The following ABLIM1 variants were observed in gnomAD, a reference collection of about 807,000 sequenced individuals.
ABLIM1 encodes actin binding LIM protein 1, also known as actin-binding LIM protein 1.
ABLIM1 carries 40 observed loss-of-function variants against 107.0 expected under a neutral mutation model. That is an observed-to-expected ratio of 0.37 (90% CI 0.29 to 0.49). The LOEUF (loss-of-function observed/expected upper bound fraction) is 0.49, where lower values mean the gene tolerates loss of function less well. ABLIM1 is among the 20% of genes least tolerant of loss of function. The pLI is 0.97. For missense variants in ABLIM1, 857 were observed against 1,008.5 expected (o/e 0.85, Z 2.04); for synonymous variants, 357 against 357.3 (o/e 1.00, Z 0.01).
chr10:114,728,958 A>G (rs2082018423), intron 1 of ABLIM1, among the ~76,000 whole-genome samples: 1 of 152,120 alleles, frequency 6.6e-6, no homozygotes, highest in South Asian at 2.1e-4. Flanking sequence ...TCCAATATGC[A>G]GTTAAGGAGT....
chr10:114,616,917 G>C (rs530094596), intron 1 of ABLIM1, among the ~76,000 whole-genome samples: 35 of 152,312 alleles, frequency 2.3e-4, no homozygotes, highest in African/African-American at 8.2e-4. Context: ...CTTATTTTCT[G>C]ATGAGGAAAC....
the ABLIM1 span, among the ~76,000 whole-genome samples, chr10:114,789,214 C>T: frequency 6.6e-6 from 1 of 152,044 alleles, no homozygotes; most frequent in South Asian, 2.1e-4. Flanking sequence ...GAGATCATAC[C>T]ACTGCACTCC....
intron 18 of ABLIM1, among the ~76,000 whole-genome samples, chr10:114,441,494 T>C (rs534476258): frequency 4.6e-5 from 7 of 152,238 alleles, no homozygotes; most frequent in Non-Finnish European, 8.8e-5. Context: ...CCCATAATCA[T>C]ACACAAGCCA....
intron 1 of ABLIM1, among the ~76,000 whole-genome samples, chr10:114,647,729 A>G (rs1161080990): frequency 1.3e-5 from 2 of 152,150 alleles, no homozygotes; most frequent in African/African-American, 4.8e-5. Flanking sequence ...GGGCTCTGTG[A>G]GTCATAATGT....
chr10:114,547,096 AT>A (rs1175766851), intron 5 of ABLIM1, among the ~76,000 whole-genome samples: 1 of 151,624 alleles, frequency 6.6e-6, no homozygotes, highest in African/African-American at 2.4e-5. Flanking sequence ...CAGCAGGAAA[AT>A]TTTTTTTAAG....
At chr10:114,559,270 G>A (rs1565931513) in intron 4 of ABLIM1, among the ~76,000 whole-genome samples, 1 of 151,890 alleles carries the variant, frequency 6.6e-6, no homozygotes, top group Non-Finnish European at 1.5e-5. Flanking sequence ...ATCATGGTAT[G>A]CTCTCAGAAA....
chr10:114,765,189 G>T (rs1392773339), intron 1 of ABLIM1, among the ~76,000 whole-genome samples: 1 of 151,964 alleles, frequency 6.6e-6, no homozygotes, highest in Non-Finnish European at 1.5e-5. Context: ...TGGGACTACA[G>T]GCATGCGCCA....
chr10:114,763,235 C>A (rs918753250), intron 1 of ABLIM1, among the ~76,000 whole-genome samples: 1 of 152,096 alleles, frequency 6.6e-6, no homozygotes, highest in Non-Finnish European at 1.5e-5. Context: ...CACTGTTTGC[C>A]ATTAATTCTG....
intron 8 of ABLIM1, among the ~76,000 whole-genome samples, chr10:114,475,167 C>G (rs904897048): frequency 1.3e-5 from 2 of 152,212 alleles, no homozygotes; most frequent in Non-Finnish European, 2.9e-5. Context: ...TACCTCGTCT[C>G]TCACCTGTCA....
chr10:114,721,927 C>T (rs896717486), intron 1 of ABLIM1, among the ~76,000 whole-genome samples: 3 of 152,074 alleles, frequency 2.0e-5, no homozygotes, highest in African/African-American at 7.2e-5. Flanking sequence ...GAAAAAGAAA[C>T]ACCAGGAAAA....
At chr10:114,444,907 T>A (rs781203535) in intron 16 of ABLIM1, among the ~76,000 whole-genome samples, 2 of 152,196 alleles carry the variant, frequency 1.3e-5, no homozygotes, top group Non-Finnish European at 2.9e-5. Flanking sequence ...AAATGTTCAA[T>A]CCCACAGTCA....
At chr10:114,473,776 GA>G in intron 9 of ABLIM1, 102 bp downstream of exon 9, 1 of 864,760 alleles carries the variant, frequency 1.2e-6, no homozygotes, top group African/African-American at 1.7e-5. Flanking sequence ...AACAAAAATA[GA>G]AATCACTTTG....
chr10:114,512,044 CA>C (rs2061947531), intron 6 of ABLIM1, among the ~76,000 whole-genome samples: 1 of 152,158 alleles, frequency 6.6e-6, no homozygotes, highest in Non-Finnish European at 1.5e-5. Flanking sequence ...TCCTTCTGTC[CA>C]ATTAGGACAG....
intron 4 of ABLIM1, among the ~76,000 whole-genome samples, chr10:114,555,227 T>C (rs1203805855): frequency 1.3e-5 from 2 of 152,154 alleles, no homozygotes; most frequent in Non-Finnish European, 2.9e-5. Context: ...GTTATCTCAG[T>C]TTACCTTAGG....
chr10:114,468,912 C>A (rs7092279), intron 10 of ABLIM1, among the ~76,000 whole-genome samples: 2 of 151,876 alleles, frequency 1.3e-5, no homozygotes, highest in African/African-American at 4.8e-5. Context: ...ATTAGCCAGG[C>A]GCGGTGGCGG....
intron 4 of ABLIM1, among the ~76,000 whole-genome samples, chr10:114,562,167 T>G (rs1440712907): frequency 6.6e-6 from 1 of 152,124 alleles, no homozygotes. Context: ...TTCAGAAAAG[T>G]GTAGCTGCTC....
the ABLIM1 span, among the ~76,000 whole-genome samples, chr10:114,789,115 A>T: frequency 2.6e-5 from 4 of 151,542 alleles, no homozygotes; most frequent in Non-Finnish European, 5.9e-5. Flanking sequence ...ATTAGCCGGG[A>T]GTGATGGCAC....
chr10:114,657,485 C>T (rs1420097942), intron 1 of ABLIM1, among the ~76,000 whole-genome samples: 1 of 152,128 alleles, frequency 6.6e-6, no homozygotes, highest in Non-Finnish European at 1.5e-5. Context: ...TATTAAAACA[C>T]TTTCTTTTTA....
intron 12 of ABLIM1, among the ~76,000 whole-genome samples, chr10:114,456,093 C>T (rs139631979): frequency 5.9e-4 from 90 of 152,204 alleles, no homozygotes; most frequent in African/African-American, 2.1e-3. Context: ...GGATTACAGG[C>T]GTGAGCCACC....
Sources: gnomAD v4.1 joint callset for allele counts (sites outside exome capture counted in the v4.1 genomes callset) on GRCh38, gnomAD v4.1.1 for gene constraint, MANE v1.5 for transcripts, NCBI Gene and HGNC (gene_info 2026-07-23, HGNC 2026-07-21) for gene names.